PAX3: variants seen among roughly 807,000 people sequenced by gnomAD.
PAX3 encodes paired box protein Pax-3.
Under a neutral mutation model 51.6 loss-of-function variants are expected in PAX3, and 14 were observed. The observed-to-expected ratio is 0.27, with a 90% CI of 0.18 to 0.42. The LOEUF is 0.42. PAX3 is among the 10% of genes least tolerant of loss of function. The pLI is 1.00. For synonymous variants in PAX3, 280 were observed against 253.4 expected, an observed-to-expected ratio of 1.11 and a Z score of -1.00; for missense variants, 540 against 642.8, an observed-to-expected ratio of 0.84 and a Z score of 1.73.
chr2:222,247,793 T>A lies in PAX3; in HGVS notation c.587-15510A>T, dbSNP rs528933261. Among the ~76,000 whole-genome samples, 63 of 151,470 alleles carry A rather than the reference T, an allele frequency of 4.2e-4. No homozygotes were observed. In the Middle Eastern group the frequency reaches 0.024, roughly 57 times the overall value. ...ATTGGGCCCAGAGAGGAAAAAAAAA[T>A]TTTTTTTTAGCGTCTTAACCATTCT... On this transcript the variant is annotated intron_variant, in intron 4 of 8. Transcript: ENST00000392070.
At chr2:222,201,805 C>CAGCT in intron 8 of PAX3, 139 bp downstream of exon 8, 1 of 1,560,216 alleles carries the variant, frequency 6.4e-7, no homozygotes, top group South Asian at 1.2e-5. Flanking sequence ...CTGGAACAGT[C>CAGCT]AGCTGGCTTT....
rs1188289230 is a variant in PAX3, at chr2:222,298,630, C to A, written c.-15G>T. 6.3e-7 allele frequency: 1 copy of A among 1,596,872 alleles called. No individual in the cohort carries two copies. The highest frequency in any genetic ancestry group is 8.5e-7 in the Non-Finnish European group (1 of 1,171,986). On this transcript the variant is annotated 5_prime_UTR_variant, in exon 1 of 9. Coordinates refer to ENST00000392070, the MANE Select transcript of PAX3 (RefSeq NM_181458.4). ...AGCGTGGTCATCCTGGGGGCAGCTT[C>A]GCTCGGAAATTATATCCAGGTGAAG...
At chr2:222,281,471 C>G (rs947209154) in intron 4 of PAX3, among the ~76,000 whole-genome samples, 1 of 152,200 alleles carries the variant, frequency 6.6e-6, no homozygotes, top group Non-Finnish European at 1.5e-5. Context: ...GTTTAAGTTC[C>G]CTGGAGGATG....
At chr2:222,287,917 G>C (rs1432864069) in intron 4 of PAX3, among the ~76,000 whole-genome samples, 1 of 152,108 alleles carries the variant, frequency 6.6e-6, no homozygotes, top group Non-Finnish European at 1.5e-5. Flanking sequence ...TGAGCACAAA[G>C]AAAGAGATTC....
chr2:222,255,626 G>A (rs1367939779), intron 4 of PAX3, among the ~76,000 whole-genome samples: 1 of 152,184 alleles, frequency 6.6e-6, no homozygotes, highest in Admixed American at 6.5e-5. Flanking sequence ...AGGCAACTCA[G>A]ATACCTTGAT....
intron 4 of PAX3, among the ~76,000 whole-genome samples, chr2:222,234,081 C>T (rs1041066135): frequency 6.6e-6 from 1 of 152,096 alleles, no homozygotes; most frequent in African/African-American, 2.4e-5. Flanking sequence ...AAAATGAACC[C>T]ATAAATGTGA....
chr2:222,237,359 C>CACACACACACAG (rs1270655903), intron 4 of PAX3, among the ~76,000 whole-genome samples: 1 of 148,228 alleles, frequency 6.7e-6, no homozygotes, highest in African/African-American at 2.5e-5. Context: ...CACACACACA[C>CACACACACACAG]AGTTCTTTTG....
intron 4 of PAX3, 127 bp from the exon 5 acceptor site, chr2:222,232,410 A>C: frequency 1.3e-6 from 1 of 781,780 alleles, no homozygotes. Context: ...AGTAAAATAA[A>C]TGTGGATCAA....
chr2:222,278,315 C>T (rs1398914272), intron 4 of PAX3, among the ~76,000 whole-genome samples: 3 of 152,058 alleles, frequency 2.0e-5, no homozygotes, highest in Non-Finnish European at 4.4e-5. Context: ...GCTAGTAGAT[C>T]CATAACAGAC....
intron 7 of PAX3, among the ~76,000 whole-genome samples, chr2:222,213,866 CA>C (rs931594042): frequency 1.3e-5 from 2 of 152,180 alleles, no homozygotes; most frequent in African/African-American, 4.8e-5. Context: ...GATGCGTACC[CA>C]AAAACGTCCC....
At chr2:222,282,235 G>A (rs377104368) in intron 4 of PAX3, among the ~76,000 whole-genome samples, 28 of 152,172 alleles carry the variant, frequency 1.8e-4, no homozygotes, top group African/African-American at 5.5e-4. Flanking sequence ...TGTATTTCTC[G>A]TATACTTGGA....
intron 4 of PAX3, among the ~76,000 whole-genome samples, chr2:222,257,409 C>G (rs1248755677): frequency 6.6e-6 from 1 of 152,140 alleles, no homozygotes; most frequent in African/African-American, 2.4e-5. Flanking sequence ...GATTATTTTT[C>G]TACCCCAGCA....
chr2:222,283,655 A>G (rs376049164), intron 4 of PAX3, among the ~76,000 whole-genome samples: 1 of 152,222 alleles, frequency 6.6e-6, no homozygotes, highest in South Asian at 2.1e-4. Flanking sequence ...AAAAGCCTTC[A>G]GGGGGCCAGG....
chr2:222,225,559 A>G (rs1692353036), intron 5 of PAX3, among the ~76,000 whole-genome samples: 1 of 152,188 alleles, frequency 6.6e-6, no homozygotes, highest in Admixed American at 6.5e-5. Flanking sequence ...CATCTTATTC[A>G]CATGTGTGCA....
intron 4 of PAX3, among the ~76,000 whole-genome samples, chr2:222,279,050 A>C (rs1694534176): frequency 6.6e-6 from 1 of 152,180 alleles, no homozygotes. Flanking sequence ...TCCCAGGTTC[A>C]AACAATTCTC....
intron 7 of PAX3, among the ~76,000 whole-genome samples, chr2:222,219,293 C>T (rs750802153): frequency 2.6e-5 from 4 of 152,032 alleles, no homozygotes; most frequent in African/African-American, 4.8e-5. Flanking sequence ...AAGAGATTCT[C>T]GATTGCAATT....
rs772452636 is a variant in PAX3 at position 222,265,646 on chromosome 2, A to AAGGAAG, written c.586+28520_586+28521insCTTCCT. Among the ~76,000 whole-genome samples, 148 of 109,248 alleles carry AAGGAAG rather than the reference A, an allele frequency of 1.4e-3. 1 individual carries two copies. Among genetic ancestry groups the AAGGAAG allele is most frequent in the African/African-American group, 4.9e-3 (140 of 28,442 alleles). 71.7% of individuals were successfully genotyped at this position (109,248 alleles called of 152,430 possible). ...ACAGAGTGAGACTCCATCAAAAAAAAGAAGGAAGGAAGGAAGGAAGGAAGG... is the reference window on the plus strand; with the variant it reads ...ACAGAGTGAGACTCCATCAAAAAAAAAGGAAGGAAGGAAGGAAGGAAGGAAGGAAGG... On this transcript the variant is annotated intron_variant, in intron 4 of 8. Transcript: ENST00000392070.
chr2:222,295,406 C>T lies in PAX3; in HGVS notation c.451+122G>A. The T allele has an allele frequency of 5.0e-6, 6 of 1,202,138 alleles. No individual in the cohort carries two copies. In the East Asian group the frequency reaches 7.1e-5, roughly 14 times the overall value. 74.5% of individuals were successfully genotyped at this position (1,202,138 alleles called of 1,614,324 possible). Reference sequence around the variant, plus strand: ...ACCGGGTTGGCAAATATTGCAGGGCCTCGGGAGAGGCCACCTCCCAATAGC... The same window carrying T: ...ACCGGGTTGGCAAATATTGCAGGGCTTCGGGAGAGGCCACCTCCCAATAGC... On this transcript the variant is annotated intron_variant, in intron 3 of 8. Transcript: ENST00000392070.
chr2:222,216,951 A>T (rs1691985690), intron 7 of PAX3, among the ~76,000 whole-genome samples: 3 of 152,246 alleles, frequency 2.0e-5, no homozygotes, highest in Non-Finnish European at 4.4e-5. Context: ...ATCTACAGTG[A>T]ACTGATCACA....
Sources: allele counts gnomAD v4.1 joint callset (sites outside exome capture counted in the v4.1 genomes callset), GRCh38; gene constraint gnomAD v4.1.1; transcripts MANE v1.5; gene names NCBI Gene and HGNC (gene_info 2026-07-23, HGNC 2026-07-21).